Variants in HSF2BP observed in about 807,000 individuals in gnomAD.
HSF2BP encodes heat shock factor 2-binding protein.
In HSF2BP, 35 loss-of-function variants were observed where a neutral mutation model predicts 35.0. The ratio of observed to expected loss-of-function variants is 1.00; its 90% confidence interval spans 0.76 to 1.32. HSF2BP has a LOEUF of 1.32. Among genes scored for constraint, HSF2BP ranks in the 40% most tolerant of loss-of-function variants. HSF2BP has a pLI of 0.00. For synonymous variants in HSF2BP, 114 were observed against 117.4 expected (o/e 0.97, Z 0.18); for missense variants, 326 against 321.7 (o/e 1.01, Z -0.10).
chr21:43,652,333 G>A (rs1466028367), intron 3 of HSF2BP, among the ~76,000 whole-genome samples: 2 of 151,060 alleles, frequency 1.3e-5, no homozygotes, highest in Non-Finnish European at 2.9e-5. Context: ...AACCCGGGAG[G>A]CAGAGGTTGC....
chr21:43,641,430 C>T (rs1010286479), intron 4 of HSF2BP, among the ~76,000 whole-genome samples: 3 of 152,154 alleles, frequency 2.0e-5, no homozygotes, highest in African/African-American at 7.2e-5. Flanking sequence ...AGACCCAGTG[C>T]ACCTCCTCCA....
intron 6 of HSF2BP, among the ~76,000 whole-genome samples, chr21:43,627,286 T>G (rs1433733876): frequency 6.6e-6 from 1 of 152,216 alleles, no homozygotes; most frequent in Non-Finnish European, 1.5e-5. Flanking sequence ...AGGAGAATTT[T>G]ACTGAAGAGG....
At chr21:43,591,448 A>T (rs1276530803) in intron 8 of HSF2BP, among the ~76,000 whole-genome samples, 1 of 152,216 alleles carries the variant, frequency 6.6e-6, no homozygotes, top group African/African-American at 2.4e-5. Flanking sequence ...GTTTTATAAG[A>T]GACAATTTCT....
chr21:43,621,629 A>G (rs2082332573), intron 6 of HSF2BP, among the ~76,000 whole-genome samples: 1 of 152,184 alleles, frequency 6.6e-6, no homozygotes, highest in African/African-American at 2.4e-5. Context: ...AGAATATCGT[A>G]TCCAGCAAAG....
At chr21:43,618,137 C>T (rs767622574) in intron 6 of HSF2BP, among the ~76,000 whole-genome samples, 5 of 151,172 alleles carry the variant, frequency 3.3e-5, no homozygotes, top group Non-Finnish European at 1.5e-5. Flanking sequence ...GTGGCTCATG[C>T]CTATAGTCCC....
chr21:43,618,366 A>C (rs1390111798), intron 6 of HSF2BP, among the ~76,000 whole-genome samples: 1 of 152,188 alleles, frequency 6.6e-6, no homozygotes, highest in East Asian at 1.9e-4. Context: ...GTTTCATCTT[A>C]TTTTGAGCAA....
intron 3 of HSF2BP, among the ~76,000 whole-genome samples, chr21:43,648,382 G>C (rs1422188261): frequency 6.6e-6 from 1 of 152,182 alleles, no homozygotes; most frequent in Non-Finnish European, 1.5e-5. Flanking sequence ...TGAGGTCCCA[G>C]GTGCTGTCAA....
chr21:43,644,420 G>C, intron 3 of HSF2BP, 28 bp from the exon 4 acceptor site: 2 of 1,540,586 alleles, frequency 1.3e-6, no homozygotes, highest in Middle Eastern at 1.7e-4. Flanking sequence ...AATTACTCAA[G>C]ATATTTCAAG....
At position 43,633,060 on chromosome 21, in the gene HSF2BP, A is replaced by G. The variant is rs1052220482; in HGVS notation, c.441+212T>C. Among the ~76,000 whole-genome samples, 4 of 152,352 alleles carry G rather than the reference A, an allele frequency of 2.6e-5. No homozygotes were observed. The East Asian group carries it at 5.8e-4, about 22-fold the overall frequency. Reference sequence around the variant, plus strand: ...GTGGTAATATGTCCACATATACCACAAGGTCTCCTGGAGAGAAGGGATCTT... The same window carrying G: ...GTGGTAATATGTCCACATATACCACGAGGTCTCCTGGAGAGAAGGGATCTT... On this transcript the variant is annotated intron_variant, in intron 5 of 8. Transcript: ENST00000291560.
intron 8 of HSF2BP, among the ~76,000 whole-genome samples, chr21:43,587,520 C>G (rs1340573659): frequency 6.6e-6 from 1 of 151,934 alleles, no homozygotes; most frequent in Non-Finnish European, 1.5e-5. Flanking sequence ...ACAAAATTAG[C>G]CGGGCGTGGT....
intron 7 of HSF2BP, among the ~76,000 whole-genome samples, chr21:43,605,118 A>T (rs1322953119): frequency 6.7e-6 from 1 of 149,732 alleles, no homozygotes; most frequent in Non-Finnish European, 1.5e-5. Flanking sequence ...CATCACACAC[A>T]CACCACACAG....
At chr21:43,571,788 G>A (rs1461402694) in intron 8 of HSF2BP, among the ~76,000 whole-genome samples, 3 of 127,862 alleles carry the variant, frequency 2.3e-5, no homozygotes, top group African/African-American at 9.1e-5. Context: ...AGAGGGACAC[G>A]GTGATGAGGA....
chr21:43,611,596 C>G (rs1292041756), intron 7 of HSF2BP, among the ~76,000 whole-genome samples: 1 of 152,212 alleles, frequency 6.6e-6, no homozygotes, highest in Non-Finnish European at 1.5e-5. Context: ...CTGAGCCACA[C>G]AGAGAGCACC....
chr21:43,587,954 A>T (rs1234164152), intron 8 of HSF2BP, among the ~76,000 whole-genome samples: 2 of 152,178 alleles, frequency 1.3e-5, no homozygotes, highest in African/African-American at 4.8e-5. Flanking sequence ...TTTAGGCTAA[A>T]CTCCTCTTTT....
intron 2 of HSF2BP, chr21:43,657,760 G>C (rs537806677): frequency 2.1e-5 from 18 of 870,758 alleles, no homozygotes; most frequent in Non-Finnish European, 2.5e-5. Flanking sequence ...GGGCTTCCAC[G>C]GAGCAGAGAA....
chr21:43,604,193 G>A (rs1473369658), intron 7 of HSF2BP, among the ~76,000 whole-genome samples: 1 of 151,396 alleles, frequency 6.6e-6, no homozygotes, highest in Non-Finnish European at 1.5e-5. Flanking sequence ...AGAGGCAGGA[G>A]GATTACACAC....
At chr21:43,608,014 T>C (rs982265057) in intron 7 of HSF2BP, among the ~76,000 whole-genome samples, 3 of 152,096 alleles carry the variant, frequency 2.0e-5, no homozygotes, top group Non-Finnish European at 4.4e-5. Context: ...ATCTAGGAAA[T>C]AGTCTTCTGG....
intron 8 of HSF2BP, among the ~76,000 whole-genome samples, chr21:43,584,007 G>C (rs1403783653): frequency 4.6e-5 from 6 of 130,562 alleles, no homozygotes; most frequent in African/African-American, 1.8e-4. Flanking sequence ...TGAAGGGCCT[G>C]CTGAGGGAGA....
At chr21:43,604,571 C>A (rs545438945) in intron 7 of HSF2BP, among the ~76,000 whole-genome samples, 1 of 144,496 alleles carries the variant, frequency 6.9e-6, no homozygotes, top group African/African-American at 2.6e-5. Context: ...ATTGCACACA[C>A]ACCAATATAC....
Sources: gnomAD v4.1 joint callset for allele counts (sites outside exome capture counted in the v4.1 genomes callset) on GRCh38, gnomAD v4.1.1 for gene constraint, MANE v1.5 for transcripts, NCBI Gene and HGNC (gene_info 2026-07-23, HGNC 2026-07-21) for gene names.